BLTP1: variants seen among roughly 807,000 people sequenced by gnomAD.
BLTP1 encodes the protein fragile site-associated protein.
At chr4:122,179,483 G>A in the BLTP1 span, among the ~76,000 whole-genome samples, 1 of 152,072 alleles carries the variant, frequency 6.6e-6, no homozygotes, top group African/African-American at 2.4e-5. Context: ...TACATGGTCT[G>A]TATTTTCTTC....
chr4:122,206,807 A>G, the BLTP1 span, among the ~76,000 whole-genome samples: 5 of 151,688 alleles, frequency 3.3e-5, no homozygotes, highest in African/African-American at 4.8e-5. Context: ...CTGTATCCAC[A>G]ATGTTGGCTA....
chr4:122,262,739 T>G, the BLTP1 span: 1 of 1,538,422 alleles, frequency 6.5e-7, no homozygotes, highest in Admixed American at 2.1e-5. Flanking sequence ...ACATAAGAAA[T>G]AACCCTAAGT....
the BLTP1 span, chr4:122,200,240 T>C: frequency 4.0e-5 from 39 of 985,224 alleles, no homozygotes; most frequent in Non-Finnish European, 4.3e-5. Context: ...AATAGTGCTG[T>C]GTGACAATGC....
the BLTP1 span, chr4:122,182,889 C>G: frequency 5.7e-5 from 56 of 984,828 alleles, no homozygotes; most frequent in Non-Finnish European, 6.0e-5. Flanking sequence ...CAAATAAATA[C>G]CTGTTAAAGA....
the BLTP1 span, among the ~76,000 whole-genome samples, chr4:122,295,798 G>A: frequency 1.6e-4 from 25 of 152,182 alleles, no homozygotes; most frequent in South Asian, 1.0e-3. Context: ...ATCAATAAAT[G>A]CAACTCATCA....
the BLTP1 span, among the ~76,000 whole-genome samples, chr4:122,311,727 A>G: frequency 6.6e-6 from 1 of 152,232 alleles, no homozygotes; most frequent in Non-Finnish European, 1.5e-5. Context: ...TATTAGGACA[A>G]TATCATGAAT....
At chr4:122,200,234 G>A in the BLTP1 span, 6 of 984,882 alleles carry the variant, frequency 6.1e-6, no homozygotes, top group Non-Finnish European at 7.2e-6. Context: ...CTGATAAATA[G>A]TGCTGTGTGA....
At chr4:122,187,232 T>C in the BLTP1 span, 139 of 977,184 alleles carry the variant, frequency 1.4e-4, no homozygotes, top group African/African-American at 2.3e-3. Context: ...AAAGTTGATA[T>C]GATAAGAGTG....
At chr4:122,211,793 A>C in the BLTP1 span, among the ~76,000 whole-genome samples, 4,265 of 152,232 alleles carry the variant, frequency 0.028, 121 homozygotes, top group Non-Finnish European at 0.037. Flanking sequence ...TGAGGAGTTC[A>C]TCAGTTTTTT....
the BLTP1 span, among the ~76,000 whole-genome samples, chr4:122,158,866 G>A: frequency 6.6e-6 from 1 of 152,190 alleles, no homozygotes; most frequent in East Asian, 1.9e-4. Flanking sequence ...GTAAAATACA[G>A]CATTTTTGGT....
At chr4:122,347,909 A>G in the BLTP1 span, 1 of 672,084 alleles carries the variant, frequency 1.5e-6, no homozygotes, top group Non-Finnish European at 2.5e-6. Flanking sequence ...CAAAAAAAAA[A>G]AAAAAAATCC....
chr4:122,264,992 T>G, the BLTP1 span, among the ~76,000 whole-genome samples: 2 of 152,198 alleles, frequency 1.3e-5, no homozygotes, highest in African/African-American at 4.8e-5. Flanking sequence ...ATATGGCGAA[T>G]AAAGAGTGAA....
chr4:122,249,080 CT>C, the BLTP1 span: 1 of 925,796 alleles, frequency 1.1e-6, no homozygotes, highest in Non-Finnish European at 1.3e-6. Flanking sequence ...ATAAAACAGT[CT>C]TTTAGTAAAA....
chr4:122,210,482 T>C, the BLTP1 span, among the ~76,000 whole-genome samples: 1 of 152,190 alleles, frequency 6.6e-6, no homozygotes, highest in African/African-American at 2.4e-5. Flanking sequence ...ATAGTTTTCA[T>C]AGTTGTTTCA....
the BLTP1 span, chr4:122,292,604 T>A: frequency 1.1e-6 from 1 of 932,686 alleles, no homozygotes; most frequent in Admixed American, 6.2e-5. Context: ...AAGATTTCGC[T>A]CTACTTAAGT....
At chr4:122,153,930 A>G in the BLTP1 span, 1 of 888,518 alleles carries the variant, frequency 1.1e-6, no homozygotes, top group Non-Finnish European at 1.3e-6. Context: ...CTGTTTGTGC[A>G]TGATTAAGTA....
At chr4:122,267,135 T>C in the BLTP1 span, among the ~76,000 whole-genome samples, 1 of 138,902 alleles carries the variant, frequency 7.2e-6, no homozygotes, top group African/African-American at 2.8e-5. Context: ...CTCGGCTTAC[T>C]GCAAGCTCCA....
the BLTP1 span, chr4:122,219,170 TG>T: frequency 1.0e-6 from 1 of 983,212 alleles, no homozygotes; most frequent in Non-Finnish European, 1.2e-6. Context: ...AGCAGCTATG[TG>T]TAAGTCTTAA....
chr4:122,306,753 A>C, the BLTP1 span: 1 of 837,980 alleles, frequency 1.2e-6, no homozygotes, highest in Non-Finnish European at 1.4e-6. Context: ...AATGGGAAAG[A>C]AGGCTGAACA....
Sources: allele counts gnomAD v4.1 joint callset (sites outside exome capture counted in the v4.1 genomes callset), GRCh38; gene constraint gnomAD v4.1.1; transcripts MANE v1.5; gene names NCBI Gene and HGNC (gene_info 2026-07-23, HGNC 2026-07-21).